The following VDR variants were observed in gnomAD, a reference collection of about 807,000 sequenced individuals.
VDR encodes the protein vitamin D3 receptor.
Under a neutral mutation model 39.7 loss-of-function variants are expected in VDR, and 19 were observed. The observed-to-expected ratio is 0.48, with a 90% CI of 0.33 to 0.70. The LOEUF is 0.70. Among genes scored for constraint, VDR ranks in the 30% least tolerant of loss-of-function variants. The pLI is 0.02. For missense variants in VDR, 442 were observed against 570.5 expected (o/e 0.77, Z 2.29); for synonymous variants, 242 against 215.8 (o/e 1.12, Z -1.07).
At chr12:47,882,624 C>T in intron 2 of VDR, 70 bp downstream of exon 2, 5 of 422,400 alleles carry the variant, frequency 1.2e-5, no homozygotes, top group South Asian at 1.9e-5. Flanking sequence ...CCTTCTTATG[C>T]CCCTCCCCCC....
intron 1 of VDR, among the ~76,000 whole-genome samples, chr12:47,904,191 G>C (rs1281655011): frequency 6.6e-6 from 1 of 151,868 alleles, no homozygotes; most frequent in Non-Finnish European, 1.5e-5. Flanking sequence ...CCCAGGCTAG[G>C]TCTCAGACTC....
chr12:47,874,410 T>C (rs558420753), intron 3 of VDR, among the ~76,000 whole-genome samples: 2 of 152,310 alleles, frequency 1.3e-5, no homozygotes, highest in African/African-American at 4.8e-5. Context: ...TCTGCTTCCT[T>C]TCACATCAGG....
At chr12:47,901,783 C>T (rs1167359489) in intron 1 of VDR, among the ~76,000 whole-genome samples, 2 of 152,146 alleles carry the variant, frequency 1.3e-5, no homozygotes, top group African/African-American at 2.4e-5. Flanking sequence ...CCCAATTTCC[C>T]CAGGGGAAGC....
chr12:47,850,996 T>G (rs186761747), intron 7 of VDR, among the ~76,000 whole-genome samples: 2 of 152,288 alleles, frequency 1.3e-5, no homozygotes, highest in Non-Finnish European at 2.9e-5. Flanking sequence ...GACTGTCTTC[T>G]CAACAACTTT....
In VDR at chr12:47,855,339, A is replaced by AAAATAAATAAATAAAT. The variant is rs11574093; in HGVS notation, c.755+275_755+290dup. On this transcript the variant is annotated intron_variant, in intron 7 of 9. Coordinates refer to ENST00000549336, the MANE Select transcript of VDR (RefSeq NM_000376.3). ...CGAGAATCTGTCTGGAAAAAAAATA[A>AAAATAAATAAATAAAT]AAATAAATAAATAAATAAATAAATA... is the stretch of plus-strand genomic sequence containing the variant. 4.1e-3 allele frequency among the ~76,000 whole-genome samples: 607 copies of AAAATAAATAAATAAAT among 146,538 alleles called. 4 individuals carry two copies. The highest frequency in any genetic ancestry group is 0.014 in the Middle Eastern group (4 of 294).
intron 1 of VDR, among the ~76,000 whole-genome samples, chr12:47,890,098 A>G (rs1314127078): frequency 6.6e-6 from 1 of 151,970 alleles, no homozygotes; most frequent in African/African-American, 2.4e-5. Context: ...CTAGAACATG[A>G]TTCAAAAAAT....
At chr12:47,864,996 T>C in intron 4 of VDR, 51 bp downstream of exon 4, 1 of 1,608,262 alleles carries the variant, frequency 6.2e-7, no homozygotes, top group East Asian at 2.2e-5. Context: ...GCCAAGGCCT[T>C]TCCCTGACTC....
intron 4 of VDR, among the ~76,000 whole-genome samples, chr12:47,863,131 CT>C (rs1945658733): frequency 6.6e-6 from 1 of 152,180 alleles, no homozygotes; most frequent in African/African-American, 2.4e-5. Context: ...GCAGGGCCCC[CT>C]GATTTACCCC....
At chr12:47,879,799 T>C (rs1338614813) in intron 2 of VDR, among the ~76,000 whole-genome samples, 1 of 152,204 alleles carries the variant, frequency 6.6e-6, no homozygotes, top group Non-Finnish European at 1.5e-5. Context: ...TAAAACATTA[T>C]TTTGAATGTC....
intron 7 of VDR, among the ~76,000 whole-genome samples, chr12:47,851,203 C>T (rs888494613): frequency 6.6e-6 from 1 of 152,162 alleles, no homozygotes; most frequent in African/African-American, 2.4e-5. Context: ...GTGTACTTTA[C>T]TTGTCAGTGA....
At chr12:47,882,139 G>C (rs562698995) in intron 2 of VDR, among the ~76,000 whole-genome samples, 1 of 152,326 alleles carries the variant, frequency 6.6e-6, no homozygotes, top group South Asian at 2.1e-4. Flanking sequence ...CCTGCAATGG[G>C]GTGGGGTGCT....
chr12:47,897,791 A>G (rs1946488701), intron 1 of VDR, among the ~76,000 whole-genome samples: 1 of 152,174 alleles, frequency 6.6e-6, no homozygotes, highest in Non-Finnish European at 1.5e-5. Flanking sequence ...GCCAAAGAAC[A>G]AGGCCAGACT....
intron 3 of VDR, among the ~76,000 whole-genome samples, chr12:47,873,487 G>A (rs1481987037): frequency 9.0e-5 from 13 of 144,058 alleles, no homozygotes; most frequent in South Asian, 4.6e-4. Context: ...TCAGCCTCCC[G>A]AGTAGCTGGG....
Position 47,865,604 on chromosome 12 carries a change from G to A in VDR, c.147-427C>T, listed in dbSNP as rs11574063. Among the ~76,000 whole-genome samples the A allele has an allele frequency of 3.5e-3, 539 of 151,832 alleles. 20 individuals are homozygous for A. Among genetic ancestry groups the A allele is most frequent in the Admixed American group, 0.034 (521 of 15,268 alleles). ...TTTTTTGATTTTTTTGTAAAAATGG[G>A]GTCTCACTATGTTGCCCAGGCTAGT... On this transcript the variant is annotated intron_variant, in intron 3 of 9. Transcript: ENST00000549336.
chr12:47,892,326 G>A (rs1011845608), intron 1 of VDR, among the ~76,000 whole-genome samples: 6 of 152,210 alleles, frequency 3.9e-5, no homozygotes, highest in South Asian at 2.1e-4. Context: ...AGCTTCTCAG[G>A]ACCTGGGCCA....
At chr12:47,854,204 C>CTTGA (rs1479342073) in intron 7 of VDR, among the ~76,000 whole-genome samples, 1 of 152,122 alleles carries the variant, frequency 6.6e-6, no homozygotes, top group Non-Finnish European at 1.5e-5. Flanking sequence ...TCACTGTAGC[C>CTTGA]TTGACCTCCT....
chr12:47,857,747 C>T (rs1945521860), intron 4 of VDR, 59 bp from the exon 5 acceptor site: 1 of 1,591,768 alleles, frequency 6.3e-7, no homozygotes, highest in Middle Eastern at 1.9e-4. Context: ...GGAAACCTTC[C>T]TCCTGCGGTT....
At chr12:47,865,822 C>T (rs1426454486) in intron 3 of VDR, among the ~76,000 whole-genome samples, 1 of 151,356 alleles carries the variant, frequency 6.6e-6, no homozygotes, top group African/African-American at 2.4e-5. Context: ...ACACCATTCT[C>T]CTGCCTCAGC....
intron 2 of VDR, among the ~76,000 whole-genome samples, chr12:47,880,476 G>A (rs1214572380): frequency 6.6e-6 from 1 of 152,048 alleles, no homozygotes; most frequent in African/African-American, 2.4e-5. Flanking sequence ...CTTAAGATAT[G>A]TCTAGAAACC....
Sources: allele counts gnomAD v4.1 joint callset (sites outside exome capture counted in the v4.1 genomes callset), GRCh38; gene constraint gnomAD v4.1.1; transcripts MANE v1.5; gene names NCBI Gene and HGNC (gene_info 2026-07-23, HGNC 2026-07-21).